The following HFM1 variants were observed in gnomAD, a reference collection of about 807,000 sequenced individuals.
The protein encoded by HFM1 is helicase for meiosis 1, also known as probable ATP-dependent DNA helicase HFM1.
HFM1 carries 169 observed loss-of-function variants against 192.1 expected under a neutral mutation model. The ratio of observed to expected loss-of-function variants is 0.88; its 90% CI spans 0.78 to 1.00. The LOEUF is 1.00. HFM1 is among the 50% of genes least tolerant of loss of function. The probability of loss-of-function intolerance (pLI) is 0.00; values close to 1 mark genes in which losing one functional copy is unlikely to be tolerated. For missense variants in HFM1, 1,661 were observed against 1,668.0 expected, an observed-to-expected ratio of 1.00 and a Z score of 0.07; for synonymous variants, 525 against 537.8, an observed-to-expected ratio of 0.98 and a Z score of 0.33.
At chr1:91,369,050 T>G (rs1659790228) in intron 13 of HFM1, among the ~76,000 whole-genome samples, 1 of 152,182 alleles carries the variant, frequency 6.6e-6, no homozygotes, top group Non-Finnish European at 1.5e-5. Context: ...AAGAGCTAAC[T>G]ATCCTAAATA....
chr1:91,263,875 A>C (rs1451566227), intron 36 of HFM1, among the ~76,000 whole-genome samples: 2 of 152,092 alleles, frequency 1.3e-5, no homozygotes, highest in Admixed American at 1.3e-4. Flanking sequence ...GGTCCCTTCT[A>C]AACTCTTCCA....
At chr1:91,403,161 T>C (rs1664482328) in intron 1 of HFM1, among the ~76,000 whole-genome samples, 1 of 152,180 alleles carries the variant, frequency 6.6e-6, no homozygotes, top group South Asian at 2.1e-4. Context: ...TTGTTTATTA[T>C]GTTTCTCCCT....
At chr1:91,343,712 A>G (rs1407983858) in intron 19 of HFM1, among the ~76,000 whole-genome samples, 1 of 152,252 alleles carries the variant, frequency 6.6e-6, no homozygotes, top group East Asian at 1.9e-4. Context: ...AAAAGTAACA[A>G]GAATACAAGT....
At chr1:91,310,878 T>C (rs1245161130) in intron 30 of HFM1, among the ~76,000 whole-genome samples, 4 of 152,230 alleles carry the variant, frequency 2.6e-5, no homozygotes, top group African/African-American at 7.2e-5. Context: ...GCTATGTCTT[T>C]ATCAGCAGTG....
intron 30 of HFM1, among the ~76,000 whole-genome samples, chr1:91,296,874 A>C (rs1647675887): frequency 6.6e-6 from 1 of 152,214 alleles, no homozygotes; most frequent in African/African-American, 2.4e-5. Flanking sequence ...GCGATGCAGA[A>C]GACAGGTGAT....
intron 13 of HFM1, among the ~76,000 whole-genome samples, chr1:91,358,777 TG>T (rs35928832): frequency 2.0e-5 from 3 of 152,108 alleles, no homozygotes; most frequent in Non-Finnish European, 4.4e-5. Flanking sequence ...ACTGTTTCTT[TG>T]GGGGGGTCCC....
intron 20 of HFM1, among the ~76,000 whole-genome samples, chr1:91,325,475 T>C (rs1444699461): frequency 2.0e-5 from 3 of 152,294 alleles, no homozygotes; most frequent in East Asian, 1.9e-4. Context: ...ATCTGTATTT[T>C]TGAGAGAAAG....
chr1:91,363,545 C>T (rs1274622078), intron 13 of HFM1, among the ~76,000 whole-genome samples: 1 of 150,368 alleles, frequency 6.7e-6, no homozygotes, highest in South Asian at 2.1e-4. Context: ...AAAACAGATG[C>T]TGGCGAGGTT....
In HFM1 at chr1:91,262,599, A is replaced by C. The variant is rs766581680; in HGVS notation, c.3975-7T>G. ...CTCATGTGATGAAACAAAACTAAAAATTAAAATTAATTATTTGTAAAATAC... is the reference window on the plus strand; with the variant it reads ...CTCATGTGATGAAACAAAACTAAAACTTAAAATTAATTATTTGTAAAATAC... On this transcript the variant is annotated splice_polypyrimidine_tract_variant and splice_region_variant and intron_variant, in intron 36 of 38. Coordinates refer to ENST00000370425, the MANE Select transcript of HFM1 (RefSeq NM_001017975.6). 6 of 1,450,420 alleles carry C rather than the reference A, an allele frequency of 4.1e-6. No homozygotes were observed. Among genetic ancestry groups the C allele is most frequent in the Non-Finnish European group, 5.8e-6 (6 of 1,042,418 alleles). 89.8% of individuals were successfully genotyped at this position (1,450,420 alleles called of 1,614,324 possible). A position where few individuals can be genotyped will look rare whatever the true frequency, so the allele number is the denominator to read the frequency against.
intron 1 of HFM1, among the ~76,000 whole-genome samples, chr1:91,402,408 T>C (rs1012233543): frequency 6.6e-6 from 1 of 152,182 alleles, no homozygotes; most frequent in Non-Finnish European, 1.5e-5. Context: ...ATCTGTTTAA[T>C]ATAATTGCCC....
At chr1:91,285,196 C>T (rs1272561320) in intron 30 of HFM1, among the ~76,000 whole-genome samples, 1 of 152,124 alleles carries the variant, frequency 6.6e-6, no homozygotes, top group Non-Finnish European at 1.5e-5. Flanking sequence ...TACCCAGTCT[C>T]AGTTATGTCT....
At position 91,304,462 on chromosome 1, in the gene HFM1, TTTTG is replaced by T. The variant is rs748577923; in HGVS notation, c.3391+8883_3391+8886del. ...GTTTTCTTTTAAGAGTTTTATAGGT[TTTTG>T]TTTGTTTGTTTGTTTTTGAGACAGA... On this transcript the variant is annotated intron_variant, in intron 30 of 38. Transcript: ENST00000370425. Among the ~76,000 whole-genome samples the T allele has an allele frequency of 6.6e-3, 1,003 of 151,984 alleles. 3 individuals are homozygous for T. Among genetic ancestry groups the T allele is most frequent in the Non-Finnish European group, 0.011 (736 of 67,944 alleles).
intron 6 of HFM1, among the ~76,000 whole-genome samples, chr1:91,383,912 ATG>A (rs1661855751): frequency 1.1e-5 from 1 of 91,624 alleles, no homozygotes; most frequent in South Asian, 4.6e-4. Flanking sequence ...AAAAAATATC[ATG>A]TTGTACTCCT....
intron 13 of HFM1, among the ~76,000 whole-genome samples, chr1:91,374,681 G>A (rs1660690706): frequency 6.6e-6 from 1 of 152,126 alleles, no homozygotes; most frequent in South Asian, 2.1e-4. Flanking sequence ...AAGAACCAAG[G>A]TTCTATTTGG....
chr1:91,340,113 C>T (rs933005731), intron 20 of HFM1, among the ~76,000 whole-genome samples: 3 of 152,098 alleles, frequency 2.0e-5, no homozygotes, highest in African/African-American at 7.2e-5. Context: ...TCAAGTGATC[C>T]TGCCACCTCA....
At chr1:91,275,132 C>T (rs1413046862) in intron 32 of HFM1, among the ~76,000 whole-genome samples, 2 of 152,016 alleles carry the variant, frequency 1.3e-5, no homozygotes, top group Admixed American at 6.6e-5. Context: ...TACAGGTGCC[C>T]ACCACCATGC....
At chr1:91,380,646 T>C (rs1353548070) in intron 7 of HFM1, among the ~76,000 whole-genome samples, 3 of 152,088 alleles carry the variant, frequency 2.0e-5, no homozygotes, top group African/African-American at 7.2e-5. Context: ...CCCAGTTACT[T>C]GGGTGGCTGA....
rs565908076 is a variant in HFM1 at position 91,299,666 on chromosome 1, T to A, written c.3391+13683A>T. Among the ~76,000 whole-genome samples the A allele has an allele frequency of 3.8e-3, 583 of 152,186 alleles. 13 individuals are homozygous for A. The highest frequency in any genetic ancestry group is 7.4e-4 in the Non-Finnish European group (50 of 68,000). ...CGCTCAACTACATGGAAACTGAACATCCTGCTCCTGAATGACTACTGGGTA... is the reference window on the plus strand; with the variant it reads ...CGCTCAACTACATGGAAACTGAACAACCTGCTCCTGAATGACTACTGGGTA... On this transcript the variant is annotated intron_variant, in intron 30 of 38. Transcript: ENST00000370425.
rs1410061258 is a variant in HFM1, at chr1:91,364,696, G to A, written c.1685+10662C>T. ...CCCAGGCTGGAGTGTGCAGTGGCAC[G>A]ATCTCAGCTTACTGCAAGCTCTGCC... On this transcript the variant is annotated intron_variant, in intron 13 of 38. Transcript: ENST00000370425. 6.5e-5 allele frequency among the ~76,000 whole-genome samples: 9 copies of A among 138,034 alleles called. 1 individual carries two copies. The highest frequency in any genetic ancestry group is 1.4e-4 in the African/African-American group (5 of 36,776). The allele number at this position is 138,034 out of a possible 152,430, so 90.6% of individuals were successfully genotyped here.
Sources: gnomAD v4.1 joint callset for allele counts (sites outside exome capture counted in the v4.1 genomes callset) on GRCh38, gnomAD v4.1.1 for gene constraint, MANE v1.5 for transcripts, NCBI Gene and HGNC (gene_info 2026-07-23, HGNC 2026-07-21) for gene names.